Variants in RALYL observed in about 807,000 individuals in gnomAD.
The protein encoded by RALYL is RALY RNA binding protein like, also known as RNA-binding Raly-like protein.
A neutral mutation model predicts 35.1 loss-of-function variants in RALYL; 29 were observed. The ratio of observed to expected loss-of-function variants is 0.83; its 90% CI spans 0.61 to 1.13. The LOEUF (loss-of-function observed/expected upper bound fraction) is 1.13, where lower values mean the gene tolerates loss of function less well. Among genes scored for constraint, RALYL ranks in the 50% most tolerant of loss-of-function variants. The pLI is 0.00. For synonymous variants in RALYL, 120 were observed against 127.6 expected (o/e 0.94, Z 0.40); for missense variants, 359 against 360.4 (o/e 1.00, Z 0.03).
chr8:84,446,102 A>G (rs898332863), intron 1 of RALYL, among the ~76,000 whole-genome samples: 12 of 152,036 alleles, frequency 7.9e-5, no homozygotes, highest in Admixed American at 2.0e-4. Flanking sequence ...AGATATGCAC[A>G]TAATTTACTT....
intron 1 of RALYL, among the ~76,000 whole-genome samples, chr8:84,233,159 T>TTA (rs1272804929): frequency 2.0e-5 from 3 of 151,710 alleles, no homozygotes; most frequent in African/African-American, 4.8e-5. Flanking sequence ...ATTTTTATTG[T>TTA]TTTTTTGTAG....
intron 1 of RALYL, among the ~76,000 whole-genome samples, chr8:84,260,277 T>C (rs1832008143): frequency 6.6e-6 from 1 of 152,152 alleles, no homozygotes; most frequent in Non-Finnish European, 1.5e-5. Context: ...CCTTAAAATT[T>C]AGTGGCTTAA....
intron 5 of RALYL, among the ~76,000 whole-genome samples, chr8:84,862,039 T>C (rs530101123): frequency 2.6e-5 from 4 of 152,234 alleles, no homozygotes; most frequent in Non-Finnish European, 5.9e-5. Context: ...AAGCTCCTTG[T>C]CCTTTCATAC....
chr8:84,339,418 C>A (rs1416987675), intron 1 of RALYL, among the ~76,000 whole-genome samples: 3 of 151,760 alleles, frequency 2.0e-5, no homozygotes, highest in Non-Finnish European at 4.4e-5. Flanking sequence ...GAGCATGAAT[C>A]CTATTGTAGG....
chr8:84,611,618 T>C lies in RALYL; in HGVS notation c.256+82041T>C, dbSNP rs550413281. ...ATCCCTAACTTATTGACTGGTTCAC[T>C]CTATTAATATTTGTAAGTTAAATGA... On this transcript the variant is annotated intron_variant, in intron 2 of 8. Transcript: ENST00000521268. 5.3e-5 allele frequency among the ~76,000 whole-genome samples: 8 copies of C among 152,302 alleles called. No homozygotes were observed. The South Asian group carries it at 1.7e-3, about 32-fold the overall frequency.
chr8:84,801,312 T>C (rs1823199522), intron 3 of RALYL, among the ~76,000 whole-genome samples: 1 of 152,206 alleles, frequency 6.6e-6, no homozygotes, highest in Admixed American at 6.5e-5. Flanking sequence ...ATAATCTTTT[T>C]TTCTTTCAGC....
At chr8:84,852,366 T>C (rs183981140) in intron 5 of RALYL, among the ~76,000 whole-genome samples, 130 of 152,304 alleles carry the variant, frequency 8.5e-4, no homozygotes, top group African/African-American at 2.8e-3. Context: ...AAACTTATCA[T>C]AACTTATTCT....
chr8:84,689,364 T>G (rs1012764791), intron 2 of RALYL, among the ~76,000 whole-genome samples: 1 of 152,202 alleles, frequency 6.6e-6, no homozygotes, highest in Admixed American at 6.5e-5. Flanking sequence ...TTACTGAGAA[T>G]GATGATTTCC....
chr8:84,193,358 G>C (rs553450930), intron 1 of RALYL, among the ~76,000 whole-genome samples: 1 of 152,288 alleles, frequency 6.6e-6, no homozygotes, highest in East Asian at 1.9e-4. Flanking sequence ...ATTTCAGAAT[G>C]TTCTAAGAAG....
At chr8:84,761,058 T>A (rs2133364689) in intron 2 of RALYL, among the ~76,000 whole-genome samples, 1 of 152,172 alleles carries the variant, frequency 6.6e-6, no homozygotes, top group Non-Finnish European at 1.5e-5. Context: ...ATATTGGGGC[T>A]AAAATATGTA....
At chr8:84,673,398 G>C (rs112720818) in intron 2 of RALYL, among the ~76,000 whole-genome samples, 13 of 151,864 alleles carry the variant, frequency 8.6e-5, no homozygotes, top group African/African-American at 3.1e-4. Flanking sequence ...TTCAATTTTT[G>C]CTTTTGTTGC....
intron 2 of RALYL, among the ~76,000 whole-genome samples, chr8:84,683,634 C>A (rs7836966): frequency 0.074 from 11,249 of 152,052 alleles, 1,006 homozygotes; most frequent in African/African-American, 0.21. Flanking sequence ...TGAGATTAGA[C>A]GCTTTTGTGT....
chr8:84,234,409 G>T lies in RALYL; in HGVS notation c.-24+49985G>T, dbSNP rs1826026679. On this transcript the variant is annotated intron_variant, in intron 1 of 8. Coordinates refer to ENST00000521268, the MANE Select transcript of RALYL (RefSeq NM_173848.7). ...TCTTCAACAGAAATAACATAATCTT[G>T]CAAGACTTCTTCAACCTGAATCCTT... Among the ~76,000 whole-genome samples, 4 of 152,120 alleles carry T rather than the reference G, an allele frequency of 2.6e-5. 1 individual carries two copies. In the South Asian group the frequency reaches 8.3e-4, roughly 32 times the overall value.
chr8:84,290,482 C>T (rs991411891), intron 1 of RALYL, among the ~76,000 whole-genome samples: 6 of 150,622 alleles, frequency 4.0e-5, no homozygotes, highest in Admixed American at 6.6e-5. Context: ...GGGGTTTGTT[C>T]TCTGGCGGGC....
chr8:84,305,588 G>A (rs1001773826), intron 1 of RALYL, among the ~76,000 whole-genome samples: 12 of 152,118 alleles, frequency 7.9e-5, no homozygotes, highest in Non-Finnish European at 1.3e-4. Flanking sequence ...GTTTTTTGTT[G>A]TTTGTACATA....
chr8:84,439,398 G>A (rs1268000890), intron 1 of RALYL, among the ~76,000 whole-genome samples: 2 of 152,152 alleles, frequency 1.3e-5, no homozygotes, highest in South Asian at 4.2e-4. Flanking sequence ...CAATACAGGG[G>A]ATGTGTTTAG....
chr8:84,497,678 A>G lies in RALYL; in HGVS notation c.-23-31621A>G, dbSNP rs1293973565. On this transcript the variant is annotated intron_variant, in intron 1 of 8. Transcript: ENST00000521268. ...TTTTTTTGAGAGACAGTCTCACTCT[A>G]TCACCCAGGCTGGAGTGCAGTGGCA... Among the ~76,000 whole-genome samples the G allele has an allele frequency of 5.7e-5, 7 of 122,636 alleles. No homozygotes were observed. In the South Asian group the frequency reaches 1.2e-3, roughly 22 times the overall value. The allele number at this position is 122,636 out of a possible 152,430, so 80.5% of individuals were successfully genotyped here. A position where few individuals can be genotyped will look rare whatever the true frequency, so the allele number is the denominator to read the frequency against.
At chr8:84,207,717 T>C (rs1395435464) in intron 1 of RALYL, among the ~76,000 whole-genome samples, 2 of 152,108 alleles carry the variant, frequency 1.3e-5, no homozygotes, top group African/African-American at 4.8e-5. Context: ...GTCTTAAATA[T>C]ATTCACCAAC....
chr8:84,527,474 A>C (rs2058985653), intron 1 of RALYL, among the ~76,000 whole-genome samples: 1 of 152,228 alleles, frequency 6.6e-6, no homozygotes, highest in Non-Finnish European at 1.5e-5. Flanking sequence ...CAACTATAAG[A>C]ATTGTTTACC....
Sources: allele counts gnomAD v4.1 joint callset (sites outside exome capture counted in the v4.1 genomes callset), GRCh38; gene constraint gnomAD v4.1.1; transcripts MANE v1.5; gene names NCBI Gene and HGNC (gene_info 2026-07-23, HGNC 2026-07-21).